SULT4A1: variants seen among roughly 807,000 people sequenced by gnomAD.
SULT4A1 encodes the protein sulfotransferase family 4A member 1.
SULT4A1 carries 11 observed loss-of-function variants against 35.2 expected under a neutral mutation model. That is an observed-to-expected ratio of 0.31 (90% CI 0.20 to 0.52). SULT4A1 has a LOEUF of 0.52. SULT4A1 is among the 20% of genes least tolerant of loss of function. The pLI is 0.97. For missense variants in SULT4A1, 271 were observed against 383.7 expected (o/e 0.71, Z 2.45); for synonymous variants, 152 against 151.8 (o/e 1.00, Z -0.01).
intron 4 of SULT4A1, among the ~76,000 whole-genome samples, chr22:43,835,142 G>A (rs1218306990): frequency 2.8e-4 from 40 of 142,618 alleles, no homozygotes; most frequent in Admixed American, 4.8e-4. Context: ...AGCTTCCCGC[G>A]CCCCCACCGC....
chr22:43,837,881 C>T (rs757517935), intron 4 of SULT4A1, among the ~76,000 whole-genome samples: 37 of 152,316 alleles, frequency 2.4e-4, no homozygotes, highest in Middle Eastern at 3.4e-3. Flanking sequence ...GCAGAGCCCC[C>T]GATAAGCCAC....
chr22:43,830,879 C>T (rs1320107592), intron 5 of SULT4A1, among the ~76,000 whole-genome samples: 2 of 152,172 alleles, frequency 1.3e-5, no homozygotes, highest in South Asian at 4.1e-4. Context: ...CATGCTCACT[C>T]GGGGCTAGTT....
intron 1 of SULT4A1, among the ~76,000 whole-genome samples, chr22:43,849,969 C>G (rs565163906): frequency 1.3e-5 from 2 of 152,324 alleles, no homozygotes; most frequent in East Asian, 3.9e-4. Context: ...GTGCTCCCTC[C>G]CTGGAGGGTG....
chr22:43,828,774 G>C (rs1054937041), intron 6 of SULT4A1: 1 of 388,296 alleles, frequency 2.6e-6, no homozygotes, highest in African/African-American at 2.1e-5. Flanking sequence ...ACTCCCTGCT[G>C]AGAAACATCC....
At chr22:43,842,171 G>GAGAAC (rs1308579651) in intron 1 of SULT4A1, among the ~76,000 whole-genome samples, 2 of 152,168 alleles carry the variant, frequency 1.3e-5, no homozygotes, top group Admixed American at 6.5e-5. Context: ...GGGCTGTTAG[G>GAGAAC]AGAACAGAAC....
intron 1 of SULT4A1, among the ~76,000 whole-genome samples, chr22:43,852,888 T>C (rs952123935): frequency 6.6e-6 from 1 of 151,742 alleles, no homozygotes; most frequent in Non-Finnish European, 1.5e-5. Flanking sequence ...TCACTGGAGC[T>C]GCTATTACCA....
At chr22:43,839,750 C>T (rs537550940) in intron 3 of SULT4A1, among the ~76,000 whole-genome samples, 195 bp downstream of exon 3, 8 of 152,240 alleles carry the variant, frequency 5.3e-5, no homozygotes, top group Admixed American at 3.3e-4. Context: ...ACCAACCCGT[C>T]GTTAAAAACT....
chr22:43,840,135 G>A (rs1305832418), intron 2 of SULT4A1, 110 bp from the exon 3 acceptor site: 4 of 785,094 alleles, frequency 5.1e-6, no homozygotes, highest in African/African-American at 1.8e-5. Context: ...GGGGTTCAGG[G>A]GAAGTGGAGT....
intron 1 of SULT4A1, among the ~76,000 whole-genome samples, chr22:43,860,172 C>A (rs926965236): frequency 1.3e-5 from 2 of 152,182 alleles, no homozygotes; most frequent in Non-Finnish European, 2.9e-5. Flanking sequence ...ATCTCCTACA[C>A]CTGGGCACTG....
chr22:43,842,041 G>A, intron 1 of SULT4A1, 109 bp from the exon 2 acceptor site: 2 of 1,452,514 alleles, frequency 1.4e-6, no homozygotes, highest in Non-Finnish European at 1.8e-6. Flanking sequence ...GCCCCAGGTG[G>A]GGCCCAGGGC....
Position 43,862,293 on chromosome 22 carries a change from GA to G in SULT4A1, c.89del (p.Phe30SerfsTer39). The G allele has an allele frequency of 1.3e-6, 2 of 1,572,304 alleles. No homozygotes were observed. Among genetic ancestry groups the G allele is most frequent in the Non-Finnish European group, 1.7e-6 (2 of 1,158,420 alleles). On this transcript the variant is annotated frameshift_variant, in exon 1 of 7. Transcript: ENST00000330884. ...CGATCTCCTCCATCTTCCCGCGGCA[GA>G]AGGGCGGCAGCCGCACGCCATGGAA... The part of the protein sequence containing the change: ...FEFHGVRLPP[F>X]CRGKMEEIAN...
chr22:43,853,584 TC>T lies in SULT4A1; in HGVS notation c.169+8629del, dbSNP rs1479256088. On this transcript the variant is annotated intron_variant, in intron 1 of 6. Transcript: ENST00000330884. ...GTCAGGCCTGACCAGTCCAGGAAGC[TC>T]CGGCAACCCTGGCTTGGCCCCAGCC... Among the ~76,000 whole-genome samples, 7 of 152,208 alleles carry T rather than the reference TC, an allele frequency of 4.6e-5. No homozygotes were observed. In the East Asian group the frequency reaches 9.6e-4, roughly 21 times the overall value.
At chr22:43,851,736 C>T (rs562629448) in intron 1 of SULT4A1, among the ~76,000 whole-genome samples, 9 of 152,306 alleles carry the variant, frequency 5.9e-5, no homozygotes, top group Middle Eastern at 3.4e-3. Context: ...CCCTGTGTCC[C>T]AGCCTTCAGC....
At chr22:43,857,804 C>G (rs1396248218) in intron 1 of SULT4A1, among the ~76,000 whole-genome samples, 1 of 152,160 alleles carries the variant, frequency 6.6e-6, no homozygotes, top group Non-Finnish European at 1.5e-5. Context: ...AATCTCAGCA[C>G]TTTGGGAGGC....
intron 5 of SULT4A1, among the ~76,000 whole-genome samples, chr22:43,829,481 G>C (rs1290981564): frequency 6.6e-6 from 1 of 152,252 alleles, no homozygotes; most frequent in African/African-American, 2.4e-5. Context: ...AGTTTTAACA[G>C]GAGCAAGAAG....
intron 1 of SULT4A1, among the ~76,000 whole-genome samples, chr22:43,859,683 A>G (rs1366019152): frequency 6.6e-6 from 1 of 152,230 alleles, no homozygotes; most frequent in Non-Finnish European, 1.5e-5. Flanking sequence ...AGAAGACACA[A>G]TGGGCTCCTA....
At position 43,838,973 on chromosome 22, in the gene SULT4A1, G is replaced by A; in HGVS notation, c.402C>T (p.Asn134=). Residue 134 remains asparagine, a synonymous_variant, in exon 4 of 7, where the codon AAC becomes AAT. Coordinates refer to ENST00000330884, the MANE Select transcript of SULT4A1 (RefSeq NM_014351.4). ...AATAAGACACCACCAGATCCTTGGGGTTGCGAGCCATATAGATGACCTGTG... is the reference window on the plus strand; with the variant it reads ...AATAAGACACCACCAGATCCTTGGGATTGCGAGCCATATAGATGACCTGTG... The part of the protein sequence containing the change: ...GDSKVIYMAR[N]PKDLVVSYYQ... 1 of 1,614,142 alleles carries A rather than the reference G, an allele frequency of 6.2e-7. No homozygotes were observed. The highest frequency in any genetic ancestry group is 8.5e-7 in the Non-Finnish European group (1 of 1,179,994).
chr22:43,829,485 C>G (rs951721486), intron 5 of SULT4A1, among the ~76,000 whole-genome samples: 1 of 152,198 alleles, frequency 6.6e-6, no homozygotes, highest in African/African-American at 2.4e-5. Flanking sequence ...TTAACAGGAG[C>G]AAGAAGTAAA....
At chr22:43,843,984 G>A (rs952802836) in intron 1 of SULT4A1, among the ~76,000 whole-genome samples, 3 of 152,148 alleles carry the variant, frequency 2.0e-5, no homozygotes, top group Non-Finnish European at 2.9e-5. Context: ...CTCGCCCCGT[G>A]GGATCTCGTG....
Sources: allele counts gnomAD v4.1 joint callset (sites outside exome capture counted in the v4.1 genomes callset), GRCh38; gene constraint gnomAD v4.1.1; transcripts MANE v1.5; gene names NCBI Gene and HGNC (gene_info 2026-07-23, HGNC 2026-07-21).